ZFPM2: variants seen among roughly 807,000 people sequenced by gnomAD.
ZFPM2 encodes zinc finger protein, FOG family member 2.
ZFPM2 carries 20 observed loss-of-function variants against 98.6 expected under a neutral mutation model. That is an observed-to-expected ratio of 0.20 (90% CI 0.14 to 0.29). The LOEUF (loss-of-function observed/expected upper bound fraction) is 0.29. Ranked by LOEUF, ZFPM2 falls within the 10% of genes least tolerant of loss-of-function variation. The pLI is 1.00. For missense variants in ZFPM2, 1,310 were observed against 1,388.6 expected, an observed-to-expected ratio of 0.94 and a Z score of 0.90; for synonymous variants, 518 against 502.7, an observed-to-expected ratio of 1.03 and a Z score of -0.41.
intron 3 of ZFPM2, among the ~76,000 whole-genome samples, chr8:105,457,832 T>C (rs540369711): frequency 6.6e-6 from 1 of 152,220 alleles, no homozygotes; most frequent in South Asian, 2.1e-4. Flanking sequence ...CTCTCATACC[T>C]GAGGAAAGGA....
chr8:105,795,874 G>A (rs975282724), intron 6 of ZFPM2: 15 of 407,252 alleles, frequency 3.7e-5, no homozygotes, highest in Middle Eastern at 3.5e-4. Flanking sequence ...ATCTTAAGAG[G>A]AGAATAGATT....
At chr8:105,730,909 G>A (rs1811919413) in intron 5 of ZFPM2, among the ~76,000 whole-genome samples, 1 of 151,226 alleles carries the variant, frequency 6.6e-6, no homozygotes, top group East Asian at 2.0e-4. Context: ...TAAGAGGCAA[G>A]GATAAGAGGC....
chr8:105,422,212 C>G (rs546530197), intron 2 of ZFPM2, among the ~76,000 whole-genome samples: 1 of 151,494 alleles, frequency 6.6e-6, no homozygotes, highest in South Asian at 2.1e-4. Flanking sequence ...CTGAGGCAGG[C>G]GGATCACCTG....
chr8:105,610,399 G>T (rs1816284551), intron 4 of ZFPM2, among the ~76,000 whole-genome samples: 1 of 152,122 alleles, frequency 6.6e-6, no homozygotes, highest in Non-Finnish European at 1.5e-5. Context: ...TGGAACTGTG[G>T]TGCTGACAGG....
At chr8:105,679,836 T>C (rs988856453) in intron 5 of ZFPM2, among the ~76,000 whole-genome samples, 2 of 151,290 alleles carry the variant, frequency 1.3e-5, no homozygotes, top group African/African-American at 4.9e-5. Context: ...TATAAAAACA[T>C]TTTGTAATAA....
intron 3 of ZFPM2, among the ~76,000 whole-genome samples, chr8:105,542,704 A>G (rs1293986238): frequency 1.3e-5 from 2 of 152,146 alleles, no homozygotes; most frequent in East Asian, 3.9e-4. Context: ...CCATGGACAC[A>G]AAGGGATAAT....
intron 2 of ZFPM2, among the ~76,000 whole-genome samples, chr8:105,428,722 C>A (rs747691606): frequency 2.0e-5 from 3 of 151,902 alleles, no homozygotes; most frequent in African/African-American, 7.3e-5. Flanking sequence ...AAATAAAAAA[C>A]GAAGAAAGGA....
At chr8:105,472,118 T>C (rs565260669) in intron 3 of ZFPM2, among the ~76,000 whole-genome samples, 1 of 152,302 alleles carries the variant, frequency 6.6e-6, no homozygotes, top group East Asian at 1.9e-4. Flanking sequence ...GTCTTACACT[T>C]TAGTTGGCAA....
rs565833070 is a variant in ZFPM2 at position 105,635,364 on chromosome 8, T to C, written c.532+1007T>C. Among the ~76,000 whole-genome samples the C allele has an allele frequency of 5.9e-5, 9 of 152,214 alleles. No individual in the cohort carries two copies. In the East Asian group the frequency reaches 1.5e-3, roughly 26 times the overall value. On this transcript the variant is annotated intron_variant, in intron 5 of 7. Coordinates refer to ENST00000407775, the MANE Select transcript of ZFPM2 (RefSeq NM_012082.4). Reference sequence around the variant, plus strand: ...CTAGAAACAATTACAACTTGTTCTATAATCATTACAATTTGTACACTTATA... The same window carrying C: ...CTAGAAACAATTACAACTTGTTCTACAATCATTACAATTTGTACACTTATA...
chr8:105,715,408 G>GAA (rs201460894), intron 5 of ZFPM2, among the ~76,000 whole-genome samples: 5 of 109,746 alleles, frequency 4.6e-5, no homozygotes, highest in Admixed American at 9.9e-5. Context: ...CCCATCTCTT[G>GAA]AAAAAAAAAA....
chr8:105,659,927 A>G (rs1817355465), intron 5 of ZFPM2, among the ~76,000 whole-genome samples: 1 of 152,234 alleles, frequency 6.6e-6, no homozygotes, highest in Admixed American at 6.5e-5. Flanking sequence ...CATAAAGGTT[A>G]AGTAACCACT....
At chr8:105,431,425 G>A (rs746571569) in intron 2 of ZFPM2, among the ~76,000 whole-genome samples, 4 of 152,212 alleles carry the variant, frequency 2.6e-5, no homozygotes, top group Non-Finnish European at 4.4e-5. Context: ...AGCTAATCCA[G>A]TAAATATTTA....
intron 3 of ZFPM2, among the ~76,000 whole-genome samples, chr8:105,555,149 T>C (rs1259157414): frequency 2.0e-5 from 3 of 152,052 alleles, no homozygotes; most frequent in East Asian, 3.9e-4. Context: ...GTATGCATTA[T>C]CAAGAAGATA....
chr8:105,775,707 T>C (rs10505085), intron 5 of ZFPM2, among the ~76,000 whole-genome samples: 8,740 of 152,204 alleles, frequency 0.057, 280 homozygotes, highest in African/African-American at 0.077. Context: ...TTTAAAATCA[T>C]GTTGGTCAGG....
intron 3 of ZFPM2, among the ~76,000 whole-genome samples, chr8:105,449,548 C>A (rs149465125): frequency 6.6e-6 from 1 of 152,074 alleles, no homozygotes; most frequent in African/African-American, 2.4e-5. Flanking sequence ...TTGTATTATA[C>A]ATTTTCAAAT....
In ZFPM2 at chr8:105,802,377, C is replaced by A. The variant is rs2131180275; in HGVS notation, c.2295C>A (p.Asn765Lys). 1 of 1,613,744 alleles carries A rather than the reference C, an allele frequency of 6.2e-7. No individual in the cohort carries two copies. The highest frequency in any genetic ancestry group is 2.2e-5 in the East Asian group (1 of 44,844). ...LVQQRFLDVA[N>K]LNNPCTSTQE... The stretch of plus-strand genomic sequence containing the variant: ...AGCAGAGATTTCTTGACGTAGCCAA[C>A]CTCAATAATCCTTGTACCTCCACTC... Residue 765 changes from asparagine (N) to lysine (K), a missense_variant, in exon 8 of 8, where the codon AAC becomes AAA. Asn to Lys is a moderately conservative substitution (Grantham distance 94, BLOSUM62 0). Coordinates refer to ENST00000407775, the MANE Select transcript of ZFPM2 (RefSeq NM_012082.4).
At chr8:105,446,870 T>C (rs1196880831) in intron 3 of ZFPM2, among the ~76,000 whole-genome samples, 3 of 152,150 alleles carry the variant, frequency 2.0e-5, no homozygotes, top group African/African-American at 7.2e-5. Flanking sequence ...TATCTATTTA[T>C]TTACTTTTCA....
rs759047765 is a variant in ZFPM2 at position 105,781,233 on chromosome 8, T to C, written c.533-7485T>C. ...GTCAAGATCGCCAGTCAGTGCTTGA[T>C]GGTTAGGTCGAATCTTGATGCCCTT... On this transcript the variant is annotated intron_variant, in intron 5 of 7. Coordinates refer to ENST00000407775, the MANE Select transcript of ZFPM2 (RefSeq NM_012082.4). Among the ~76,000 whole-genome samples, 15 of 152,306 alleles carry C rather than the reference T, an allele frequency of 9.8e-5. 1 individual carries two copies. In the Middle Eastern group the frequency reaches 0.01, roughly 104 times the overall value.
intron 2 of ZFPM2, among the ~76,000 whole-genome samples, chr8:105,441,032 G>A (rs1812226213): frequency 6.6e-6 from 1 of 152,036 alleles, no homozygotes; most frequent in South Asian, 2.1e-4. Flanking sequence ...GCGCCTGCCT[G>A]TAATCCCAGC....
Sources: allele counts gnomAD v4.1 joint callset (sites outside exome capture counted in the v4.1 genomes callset), GRCh38; gene constraint gnomAD v4.1.1; transcripts MANE v1.5; gene names NCBI Gene and HGNC (gene_info 2026-07-23, HGNC 2026-07-21).